The following TASOR2 variants were observed in gnomAD, a reference collection of about 807,000 sequenced individuals.
TASOR2 encodes transcription activation suppressor family member 2, also known as protein TASOR 2.
Under a neutral mutation model 199.5 loss-of-function variants are expected in TASOR2, and 84 were observed. That is an observed-to-expected ratio of 0.42 (90% CI 0.35 to 0.50). The LOEUF (loss-of-function observed/expected upper bound fraction) is 0.50. Ranked by LOEUF, TASOR2 falls within the 20% of genes least tolerant of loss-of-function variation. The pLI is 0.02. For missense variants in TASOR2, 2,796 were observed against 2,835.9 expected (o/e 0.99, Z 0.32); for synonymous variants, 1,103 against 1,046.6 (o/e 1.05, Z -1.04).
At chr10:5,686,254 C>T (rs1401204313) in intron 1 of TASOR2, among the ~76,000 whole-genome samples, 1 of 152,152 alleles carries the variant, frequency 6.6e-6, no homozygotes, top group African/African-American at 2.4e-5. Context: ...CCAAATGTAA[C>T]TAATTTTTTT....
chr10:5,707,106 A>G (rs1403226208), intron 1 of TASOR2, among the ~76,000 whole-genome samples: 1 of 152,308 alleles, frequency 6.6e-6, no homozygotes, highest in East Asian at 1.9e-4. Context: ...TATCCATGGC[A>G]GCAAAGAAAA....
intron 2 of TASOR2, 33 bp downstream of exon 2, chr10:5,712,951 A>G (rs1832103587): frequency 9.9e-7 from 1 of 1,009,062 alleles, no homozygotes; most frequent in Non-Finnish European, 1.3e-6. Context: ...AATTAATGGT[A>G]TCATTAGTCT....
chr10:5,746,216 C>A, exon 15 of TASOR2: 1 of 1,606,242 alleles, frequency 6.2e-7, no homozygotes, highest in Non-Finnish European at 8.5e-7. Context: ...TCATTGGAGA[C>A]TTCTAATCTT....
exon 15 of TASOR2, chr10:5,747,478 C>A (rs1303198317): frequency 6.2e-7 from 1 of 1,614,004 alleles, no homozygotes; most frequent in East Asian, 2.2e-5. Context: ...GTCAGAAGAA[C>A]CAGTAGAAAA....
In TASOR2 at chr10:5,731,041, C is replaced by T; in HGVS notation, c.1042C>T (p.Gln348Ter). 2 of 1,614,024 alleles carry T rather than the reference C, an allele frequency of 1.2e-6. No homozygotes were observed. The highest frequency in any genetic ancestry group is 1.7e-6 in the Non-Finnish European group (2 of 1,180,026). ...GAGTCCAGCGTCAAATCTGAGAGTG[C>T]AGCCTAAGAGGAAGGCCAGCATGCC... is the stretch of plus-strand genomic sequence containing the variant. The change falls in exon 11 of 21, where the codon CAG (glutamine) becomes TAG (stop). Residue 348 changes from glutamine (Q) to a stop codon, truncating the protein, a stop_gained. Coordinates refer to ENST00000328090, the Ensembl canonical transcript of TASOR2. LOFTEE classifies it high-confidence loss of function.
At chr10:5,746,070 A>G (rs1323149933) in intron 14 of TASOR2, 109 bp from the exon 16 acceptor site, 2 of 1,267,362 alleles carry the variant, frequency 1.6e-6, no homozygotes, top group Non-Finnish European at 2.1e-6. Flanking sequence ...AAGAACATTC[A>G]CAAACTAAAA....
intron 20 of TASOR2, 75 bp downstream of exon 21, chr10:5,762,721 G>A: frequency 1.3e-6 from 1 of 783,592 alleles, no homozygotes; most frequent in South Asian, 1.6e-5. Flanking sequence ...TTGTGTCTAA[G>A]GGAAACAGTT....
chr10:5,714,277 GT>G, intron 2 of TASOR2, 70 bp downstream of exon 3: 1 of 962,132 alleles, frequency 1.0e-6, no homozygotes. Flanking sequence ...GGTTTCATTA[GT>G]TTTATAAGAT....
chr10:5,762,485 T>C (rs1564379931), intron 19 of TASOR2, 47 bp from the exon 21 acceptor site: 2 of 494,726 alleles, frequency 4.0e-6, no homozygotes, highest in Non-Finnish European at 6.6e-6. Flanking sequence ...TATATAAAAG[T>C]ACATTAATTA....
rs192100691 is a variant in TASOR2, at chr10:5,746,237, G to A, written c.2816G>A (p.Gly939Asp). The A allele has an allele frequency of 7.7e-5, 124 of 1,613,008 alleles. No individual in the cohort carries two copies. The African/African-American group carries it at 1.5e-3, about 20-fold the overall frequency. ...GAGACTTCTAATCTTGTGCTTTCGG[G>A]TATTGGAAGTACACAAACTAATGGA... The change falls in exon 15 of 21, where the codon GGT becomes GAT. Residue 939 changes from glycine to aspartate, a missense_variant. Physicochemically the swap from Gly to Asp is moderately conservative, Grantham distance 94. This residue lies in a region of TASOR2 where 1,941 missense variants were observed against 1,924.9 expected (regional missense o/e 1.01). Transcript: ENST00000328090.
chr10:5,699,680 A>G lies in TASOR2; in HGVS notation c.-287-13143A>G. On this transcript the variant is annotated intron_variant, in intron 1 of 20. Transcript: ENST00000328090. This position sits in a 1 kb window ranked among gnomAD's most constrained non-coding sequence, Gnocchi z 4.1. ...AAAATGATCAAGCCATTTCAGAAGT[A>G]CACAAGGGAGACTAGACACCATGGC... 2 of 366,344 alleles carry G rather than the reference A, an allele frequency of 5.5e-6. No homozygotes were observed. The highest frequency in any genetic ancestry group is 7.6e-6 in the Non-Finnish European group (2 of 264,296). The allele number at this position is 366,344 out of a possible 1,614,324, so 22.7% of individuals were successfully genotyped here. A position where few individuals can be genotyped will look rare whatever the true frequency, so the allele number is the denominator to read the frequency against.
chr10:5,734,319 T>C (rs1835255440), intron 11 of TASOR2, among the ~76,000 whole-genome samples: 1 of 152,228 alleles, frequency 6.6e-6, no homozygotes, highest in Non-Finnish European at 1.5e-5. Flanking sequence ...AGAGACACCA[T>C]TGTGTAAGAT....
intron 8 of TASOR2, among the ~76,000 whole-genome samples, chr10:5,725,318 G>A (rs1312157745): frequency 7.2e-6 from 1 of 139,494 alleles, no homozygotes; most frequent in Non-Finnish European, 1.5e-5. Flanking sequence ...ATGAACCCAG[G>A]AGGCGGAGCT....
At chr10:5,749,500 C>G in exon 15 of TASOR2, 1 of 1,614,066 alleles carries the variant, frequency 6.2e-7, no homozygotes, top group Non-Finnish European at 8.5e-7. Context: ...CTCTGAGGCC[C>G]CATTTCTGCA....
rs1367222804 is a variant in TASOR2 at position 5,706,918 on chromosome 10, G to T, written c.-287-5905G>T. Among the ~76,000 whole-genome samples the T allele has an allele frequency of 6.6e-6, 1 of 151,984 alleles. No individual in the cohort carries two copies. Among genetic ancestry groups the T allele is most frequent in the Non-Finnish European group, 1.5e-5 (1 of 68,008 alleles). Reference sequence around the variant, plus strand: ...CACGGGAGGCCGAGGCAAGAGAGTTGCTTGAACCCGGGAGGTGGAGGTTGC... The same window carrying T: ...CACGGGAGGCCGAGGCAAGAGAGTTTCTTGAACCCGGGAGGTGGAGGTTGC... On this transcript the variant is annotated intron_variant, in intron 1 of 20. Transcript: ENST00000328090. The surrounding 1 kb of genome is among the most constrained non-coding windows in gnomAD (Gnocchi z 4.8).
chr10:5,708,728 G>A lies in TASOR2; in HGVS notation c.-287-4095G>A, dbSNP rs114257983. Reference sequence around the variant, plus strand: ...CCTCTCTTTCTCTCTTTCTGACATGGTCTGGCTCTGTTACCCAGGCTGGAG... The same window carrying A: ...CCTCTCTTTCTCTCTTTCTGACATGATCTGGCTCTGTTACCCAGGCTGGAG... On this transcript the variant is annotated intron_variant, in intron 1 of 20. Coordinates refer to ENST00000328090, the Ensembl canonical transcript of TASOR2. Among the ~76,000 whole-genome samples, 975 of 147,888 alleles carry A rather than the reference G, an allele frequency of 6.6e-3. 18 individuals are homozygous for A. The highest frequency in any genetic ancestry group is 0.023 in the African/African-American group (933 of 39,854).
chr10:5,729,231 T>G (rs1834468691), intron 10 of TASOR2, among the ~76,000 whole-genome samples: 1 of 152,066 alleles, frequency 6.6e-6, no homozygotes, highest in Non-Finnish European at 1.5e-5. Context: ...TGCATATAAT[T>G]CCAGCTACTC....
intron 15 of TASOR2, 55 bp from the exon 17 acceptor site, chr10:5,756,558 G>T: frequency 1.9e-6 from 3 of 1,581,964 alleles, no homozygotes; most frequent in Non-Finnish European, 2.6e-6. Context: ...AAACTATACA[G>T]GTAGTTCTGT....
At chr10:5,700,749 A>G (rs1379294604) in intron 1 of TASOR2, among the ~76,000 whole-genome samples, 1 of 151,258 alleles carries the variant, frequency 6.6e-6, no homozygotes, top group African/African-American at 2.4e-5. Flanking sequence ...ATGTTTATTC[A>G]GATCTTTTGC....
Sources: gnomAD v4.1 joint callset for allele counts (sites outside exome capture counted in the v4.1 genomes callset) on GRCh38, gnomAD v4.1.1 for gene constraint, gnomAD v4.1.1 regional missense constraint, Gnocchi (gnomAD v3.1) non-coding constraint, MANE v1.5 for transcripts, NCBI Gene and HGNC (gene_info 2026-07-23, HGNC 2026-07-21) for gene names.